Variants in EXTL1 observed in about 807,000 individuals in gnomAD.
The protein encoded by EXTL1 is exostosin like glycosyltransferase 1, also known as exostosin-like 1.
EXTL1 carries 43 observed loss-of-function variants against 64.6 expected under a neutral mutation model. The observed-to-expected ratio is 0.67, with a 90% CI of 0.52 to 0.86. The LOEUF (loss-of-function observed/expected upper bound fraction) is 0.86. Among genes scored for constraint, EXTL1 ranks in the 40% least tolerant of loss-of-function variants. The probability of loss-of-function intolerance (pLI) is 0.00; values close to 1 mark genes in which losing one functional copy is unlikely to be tolerated. For missense variants in EXTL1, 766 were observed against 879.0 expected, an observed-to-expected ratio of 0.87 and a Z score of 1.62; for synonymous variants, 352 against 360.5, an observed-to-expected ratio of 0.98 and a Z score of 0.27.
intron 3 of EXTL1, 137 bp downstream of exon 3, chr1:26,029,844 A>G: frequency 1.6e-6 from 1 of 629,848 alleles, no homozygotes; most frequent in Non-Finnish European, 2.9e-6. Context: ...CCTAGCACCA[A>G]GTCTCCCCTC....
intron 6 of EXTL1, chr1:26,032,117 G>T: frequency 2.6e-6 from 1 of 385,428 alleles, no homozygotes; most frequent in East Asian, 4.5e-5. Context: ...GGAGCATGGA[G>T]TCAGGGCCCA....
rs2124414053 is a variant in EXTL1 at position 26,034,207 on chromosome 1, G to A, written c.1679+351G>A. 6.6e-6 allele frequency among the ~76,000 whole-genome samples: 1 copy of A among 152,314 alleles called. No homozygotes were observed. The highest frequency in any genetic ancestry group is 1.9e-4 in the East Asian group (1 of 5,190). Reference sequence around the variant, plus strand: ...GGGGTGACAAGAAAATAGTCCTGATGCTTTATGAATGTGGATGTTATGAGT... The same window carrying A: ...GGGGTGACAAGAAAATAGTCCTGATACTTTATGAATGTGGATGTTATGAGT... On this transcript the variant is annotated intron_variant, in intron 9 of 10. Coordinates refer to ENST00000374280, the MANE Select transcript of EXTL1 (RefSeq NM_004455.3). This position sits in a 1 kb window ranked among gnomAD's most constrained non-coding sequence, Gnocchi z 4.6.
In EXTL1 at chr1:26,029,710, A is replaced by T; in HGVS notation, c.981+3A>T. 1 of 1,597,298 alleles carries T rather than the reference A, an allele frequency of 6.3e-7. No individual in the cohort carries two copies. Among genetic ancestry groups the T allele is most frequent in the Non-Finnish European group, 8.6e-7 (1 of 1,166,754 alleles). ...CTGATGAGAGGCTCCCACTTCAGGT[A>T]GCTCAGAGCCCTGCCCACAGGGTGG... On this transcript the variant is annotated splice_donor_region_variant and intron_variant, in intron 3 of 10. Transcript: ENST00000374280.
chr1:26,035,133 G>A lies in EXTL1; in HGVS notation c.1849-32G>A, dbSNP rs754932480. 1.0e-5 allele frequency: 16 copies of A among 1,589,354 alleles called. No homozygotes were observed. In the Middle Eastern group the frequency reaches 8.4e-4, roughly 83 times the overall value. On this transcript the variant is annotated intron_variant, in intron 10 of 10. Coordinates refer to ENST00000374280, the MANE Select transcript of EXTL1 (RefSeq NM_004455.3). The surrounding 1 kb of genome is among the most constrained non-coding windows in gnomAD (Gnocchi z 5.3). ...GTGGGGAGTTCGGAAGGGCAGAGAAGCCCGTTAATGCATTGCTTCTTTCCC... is the reference window on the plus strand; with the variant it reads ...GTGGGGAGTTCGGAAGGGCAGAGAAACCCGTTAATGCATTGCTTCTTTCCC...
chr1:26,023,386 C>A lies in EXTL1; in HGVS notation c.740C>A (p.Pro247His). Residue 247 changes from proline to histidine, a missense_variant, in exon 1 of 11, where the codon CCC (proline) becomes CAC (histidine). Pro to His is a moderately conservative substitution (Grantham distance 77). This residue lies in a region of EXTL1 where 571 missense variants were observed against 647.6 expected (regional missense o/e 0.88). Transcript: ENST00000374280. ...RTADTGSSAC[P>H]WDGRCEQDPG... ...GCAGACACTGGCTCCTCTGCCTGCC[C>A]CTGGGATGGGCGCTGTGAGCAAGAC... 3 of 1,457,940 alleles carry A rather than the reference C, an allele frequency of 2.1e-6. No homozygotes were observed. The highest frequency in any genetic ancestry group is 2.5e-5 in the East Asian group (1 of 40,200). 90.3% of individuals were successfully genotyped at this position (1,457,940 alleles called of 1,614,324 possible).
At chr1:26,030,695 C>CA (rs1054023328) in intron 4 of EXTL1, 100 bp downstream of exon 4, 71 of 1,355,078 alleles carry the variant, frequency 5.2e-5, no homozygotes, top group Non-Finnish European at 6.7e-5. Context: ...GAACCCCCCC[C>CA]CCTTCCTTGA....
chr1:26,035,444 CTA>C lies in EXTL1; in HGVS notation c.*99_*100del. On this transcript the variant is annotated 3_prime_UTR_variant, in exon 11 of 11. Transcript: ENST00000374280. This position sits in a 1 kb window ranked among gnomAD's most constrained non-coding sequence, Gnocchi z 5.3. ...CTCCGCTCTTGGGACACCGGAGAAC[CTA>C]TCATGTCAGCCAGCGGGCCCACACG... 1 of 1,171,460 alleles carries C rather than the reference CTA, an allele frequency of 8.5e-7. No individual in the cohort carries two copies. Among genetic ancestry groups the C allele is most frequent in the South Asian group, 1.6e-5 (1 of 61,060 alleles). The allele number at this position is 1,171,460 out of a possible 1,614,324, so 72.6% of individuals were successfully genotyped here.
chr1:26,025,736 G>T lies in EXTL1; in HGVS notation c.779+2311G>T, dbSNP rs1043643074. ...AGCCTCCCTTCTATCCCTGTCTCTC[G>T]GCCACCCGGTTTTCCTGCCTGGAGC... On this transcript the variant is annotated intron_variant, in intron 1 of 10. Coordinates refer to ENST00000374280, the MANE Select transcript of EXTL1 (RefSeq NM_004455.3). This position sits in a 1 kb window ranked among gnomAD's most constrained non-coding sequence, Gnocchi z 5.3. 6.6e-6 allele frequency among the ~76,000 whole-genome samples: 1 copy of T among 152,054 alleles called. No individual in the cohort carries two copies. Among genetic ancestry groups the T allele is most frequent in the East Asian group, 1.9e-4 (1 of 5,188 alleles).
intron 1 of EXTL1, among the ~76,000 whole-genome samples, chr1:26,028,717 T>C (rs952384846): frequency 5.3e-5 from 8 of 152,130 alleles, no homozygotes; most frequent in African/African-American, 1.9e-4. Context: ...GCCCACCTCA[T>C]GACAGAGGAG....
At chr1:26,032,607 T>C in intron 7 of EXTL1, 122 bp downstream of exon 7, 1 of 665,354 alleles carries the variant, frequency 1.5e-6, no homozygotes, top group Non-Finnish European at 2.6e-6. Context: ...AATGACACAG[T>C]AGGTTTCAGC....
In EXTL1 at chr1:26,033,543, C is replaced by T. The variant is rs2050309552; in HGVS notation, c.1519-153C>T. ...TTGTGGCCCCTGGAAGCTTTCATGC[C>T]ACACTTCCAGCCAATTCCAAGTCTT... On this transcript the variant is annotated intron_variant, in intron 8 of 10. Coordinates refer to ENST00000374280, the MANE Select transcript of EXTL1 (RefSeq NM_004455.3). This position sits in a 1 kb window ranked among gnomAD's most constrained non-coding sequence, Gnocchi z 5.1. 1.3e-5 allele frequency among the ~76,000 whole-genome samples: 2 copies of T among 152,200 alleles called. No individual in the cohort carries two copies. The highest frequency in any genetic ancestry group is 2.9e-5 in the Non-Finnish European group (2 of 68,032).
At position 26,033,870 on chromosome 1, in the gene EXTL1, C is replaced by T. The variant is rs1192100880; in HGVS notation, c.1679+14C>T. On this transcript the variant is annotated intron_variant, in intron 9 of 10. Transcript: ENST00000374280. The surrounding 1 kb of genome is among the most constrained non-coding windows in gnomAD (Gnocchi z 5.1). ...CTTCTACCATAGGTACAGACCCCTA[C>T]CCTGCACAGGGATCAGAGTATCAGA... is the stretch of plus-strand genomic sequence containing the variant. 6.2e-7 allele frequency: 1 copy of T among 1,606,896 alleles called. No individual in the cohort carries two copies.
intron 1 of EXTL1, among the ~76,000 whole-genome samples, chr1:26,027,689 TAAA>T (rs61364586): frequency 8.8e-5 from 5 of 57,056 alleles, no homozygotes; most frequent in African/African-American, 2.0e-4. Context: ...ACCCCATCTC[TAAA>T]AAAAAAAAAA....
Position 26,035,347 on chromosome 1 carries a change from G to A in EXTL1, c.2031G>A (p.Ter677=). ...AGTACCGCAGCCTGGAGAAGCCCTA[G>A]GGGGGCGACCCGCGGAGACCCCAGC... ...RKKYRSLEKP[*] is the part of the protein sequence containing the mutation. The change falls in exon 11 of 11, where the codon TAG becomes TAA. Residue 677 remains the stop codon, a stop_retained_variant. Transcript: ENST00000374280. This position sits in a 1 kb window ranked among gnomAD's most constrained non-coding sequence, Gnocchi z 5.3. 1 of 1,599,104 alleles carries A rather than the reference G, an allele frequency of 6.3e-7. No individual in the cohort carries two copies.
At chr1:26,029,390 G>A in intron 2 of EXTL1, 104 bp downstream of exon 2, 1 of 925,246 alleles carries the variant, frequency 1.1e-6, no homozygotes, top group Non-Finnish European at 1.8e-6. Flanking sequence ...TAAGCTGCCT[G>A]CTCCTTTACT....
Position 26,022,554 on chromosome 1 carries a change from G to A in EXTL1, c.-93G>A, listed in dbSNP as rs530488159. 4.6e-5 allele frequency: 47 copies of A among 1,016,108 alleles called. No individual in the cohort carries two copies. The Admixed American group carries it at 5.6e-4, about 12-fold the overall frequency. The allele number at this position is 1,016,108 out of a possible 1,614,324, so 62.9% of individuals were successfully genotyped here. On this transcript the variant is annotated 5_prime_UTR_variant, in exon 1 of 11. Coordinates refer to ENST00000374280, the MANE Select transcript of EXTL1 (RefSeq NM_004455.3). The stretch of plus-strand genomic sequence containing the variant: ...AATGACAGCACAGGACTAGCAGGTC[G>A]GTCCCAGCTCTGGTCTCCCGCCCCA...
chr1:26,033,743 G>A lies in EXTL1; in HGVS notation c.1566G>A (p.Val522=). ...LVWQSFPERM[V]GFLTSSHFWD... Reference sequence around the variant, plus strand: ...GGCAGAGCTTCCCAGAGCGGATGGTGGGCTTCCTGACGTCGAGCCATTTCT... The same window carrying A: ...GGCAGAGCTTCCCAGAGCGGATGGTAGGCTTCCTGACGTCGAGCCATTTCT... Residue 522 remains valine, a synonymous_variant, in exon 9 of 11, where the codon GTG becomes GTA. Transcript: ENST00000374280. The surrounding 1 kb of genome is among the most constrained non-coding windows in gnomAD (Gnocchi z 5.1). The A allele has an allele frequency of 6.2e-7, 1 of 1,614,162 alleles. No homozygotes were observed. The highest frequency in any genetic ancestry group is 8.5e-7 in the Non-Finnish European group (1 of 1,180,010).
At position 26,033,745 on chromosome 1, in the gene EXTL1, G is replaced by A; in HGVS notation, c.1568G>A (p.Gly523Asp). 1 of 1,614,196 alleles carries A rather than the reference G, an allele frequency of 6.2e-7. No homozygotes were observed. Among genetic ancestry groups the A allele is most frequent in the Non-Finnish European group, 8.5e-7 (1 of 1,180,032 alleles). ...CAGAGCTTCCCAGAGCGGATGGTGG[G>A]CTTCCTGACGTCGAGCCATTTCTGG... Reference protein sequence around the residue: ...VWQSFPERMVGFLTSSHFWDE... With the variant: ...VWQSFPERMVDFLTSSHFWDE... Residue 523 changes from glycine to aspartate, a missense_variant, in exon 9 of 11, where the codon GGC becomes GAC. Coordinates refer to ENST00000374280, the MANE Select transcript of EXTL1 (RefSeq NM_004455.3). The surrounding 1 kb of genome is among the most constrained non-coding windows in gnomAD (Gnocchi z 5.1).
chr1:26,029,266 C>A lies in EXTL1; in HGVS notation c.853C>A (p.Arg285Ser), dbSNP rs116456758. The stretch of plus-strand genomic sequence containing the variant: ...TGGCCACCGTCCCGAGGCTGCCTCG[C>A]GCTTCCTCCAAGCCCTGCAGGTACA... ...ISGHRPEAAS[R>S]FLQALQAGCI... Residue 285 changes from arginine to serine, a missense_variant, in exon 2 of 11, where the codon CGC becomes AGC. Transcript: ENST00000374280. The A allele has an allele frequency of 3.1e-6, 5 of 1,613,628 alleles. No homozygotes were observed. The highest frequency in any genetic ancestry group is 3.3e-5 in the Admixed American group (2 of 59,998).
Sources: allele counts gnomAD v4.1 joint callset (sites outside exome capture counted in the v4.1 genomes callset), GRCh38; gene constraint gnomAD v4.1.1; regional missense constraint gnomAD v4.1.1; non-coding constraint Gnocchi (gnomAD v3.1); transcripts MANE v1.5; gene names NCBI Gene and HGNC (gene_info 2026-07-23, HGNC 2026-07-21).